RIPOR1: variants seen among roughly 807,000 people sequenced by gnomAD.
RIPOR1 encodes rho family-interacting cell polarization regulator 1.
RIPOR1 carries 58 observed loss-of-function variants against 116.5 expected under a neutral mutation model. The observed-to-expected ratio is 0.50, with a 90% CI of 0.40 to 0.62. The LOEUF is 0.62. RIPOR1 is among the 20% of genes least tolerant of loss of function. The pLI, the probability that RIPOR1 is intolerant of heterozygous loss-of-function variation, is 0.00. For synonymous variants in RIPOR1, 605 were observed against 650.0 expected (o/e 0.93, Z 1.05); for missense variants, 1,372 against 1,586.2 (o/e 0.86, Z 2.29).
At position 67,542,665 on chromosome 16, in the gene RIPOR1, A is replaced by C; in HGVS notation, c.1879A>C (p.Thr627Pro). Residue 627 changes from threonine (T) to proline (P), a missense_variant, in exon 13 of 22, where the codon ACA (threonine) becomes CCA (proline). Thr to Pro is a conservative substitution (Grantham distance 38). Around this residue, in one of 3 missense-constraint regions of RIPOR1, gnomAD observed 1,005 missense variants for 1,144.7 expected, o/e 0.88. Transcript: ENST00000042381. This position sits in a 1 kb window ranked among gnomAD's most constrained non-coding sequence, Gnocchi z 4.6. Reference sequence around the variant, plus strand: ...TTCCACAAGCCCCACCCATACCCCCACAAGTCCCACCCACAAAACCAGTAT... The same window carrying C: ...TTCCACAAGCCCCACCCATACCCCCCCAAGTCCCACCCACAAAACCAGTAT... Reference protein sequence around the residue: ...HTSTSPTHTPTSPTHKTSMSP... With the variant: ...HTSTSPTHTPPSPTHKTSMSP... 6.2e-7 allele frequency: 1 copy of C among 1,608,950 alleles called. No individual in the cohort carries two copies. The highest frequency in any genetic ancestry group is 8.5e-7 in the Non-Finnish European group (1 of 1,178,544).
chr16:67,541,914 C>T lies in RIPOR1; in HGVS notation c.1128C>T (p.Ser376=), dbSNP rs763642771. Residue 376 remains serine (S), a synonymous_variant, in exon 13 of 22, where the codon TCC becomes TCT. Transcript: ENST00000042381. The surrounding 1 kb of genome is among the most constrained non-coding windows in gnomAD (Gnocchi z 4.6). ...QEELENGTAW[S]LSSESSDDSS... ...AGCTGGAGAATGGGACAGCATGGTC[C>T]CTGTCATCTGAATCTTCAGACGACT... The T allele has an allele frequency of 1.2e-6, 2 of 1,612,116 alleles. No individual in the cohort carries two copies. The highest frequency in any genetic ancestry group is 8.5e-7 in the Non-Finnish European group (1 of 1,179,146).
intron 1 of RIPOR1, among the ~76,000 whole-genome samples, chr16:67,519,112 C>T (rs1342960789): frequency 2.0e-5 from 3 of 152,136 alleles, no homozygotes; most frequent in Non-Finnish European, 2.9e-5. Context: ...CGATGAAACC[C>T]GGCCTCTACT....
intron 1 of RIPOR1, among the ~76,000 whole-genome samples, chr16:67,532,546 C>T (rs2142446511): frequency 6.6e-6 from 1 of 152,246 alleles, no homozygotes; most frequent in Non-Finnish European, 1.5e-5. Flanking sequence ...CAAACACTTC[C>T]TATAGAGGGA....
chr16:67,522,004 T>C lies in RIPOR1; in HGVS notation c.-24+3391T>C, dbSNP rs139778296. Among the ~76,000 whole-genome samples the C allele has an allele frequency of 4.0e-5, 6 of 151,844 alleles. No homozygotes were observed. The East Asian group carries it at 1.2e-3, about 29-fold the overall frequency. ...CCTGCTATGCAGGCTGTTCTGGAAC[T>C]TTCTCCACTCCACCATGTTTTTTGT... On this transcript the variant is annotated intron_variant, in intron 1 of 1. Coordinates refer to the RIPOR1 transcript ENST00000562116.
Position 67,545,787 on chromosome 16 carries a change from GCAA to G in RIPOR1, c.3321_3323del (p.Asn1107del), listed in dbSNP as rs767158481. ...GCCCTCAGCTCCCTGCTCGTCCATG[GCAA>G]CAACAAGGTCATGGCTGCTGTCAGC... On this transcript the variant is annotated inframe_deletion, in exon 19 of 22. Coordinates refer to ENST00000042381, the MANE Select transcript of RIPOR1 (RefSeq NM_024519.4). This position sits in a 1 kb window ranked among gnomAD's most constrained non-coding sequence, Gnocchi z 4.8. The G allele has an allele frequency of 4.3e-6, 7 of 1,612,934 alleles. No individual in the cohort carries two copies. The highest frequency in any genetic ancestry group is 1.7e-5 in the Admixed American group (1 of 59,866).
At chr16:67,538,321 G>A (rs1321639019) in intron 1 of RIPOR1, 103 bp from the exon 2 acceptor site, 18 of 1,429,906 alleles carry the variant, frequency 1.3e-5, no homozygotes, top group Middle Eastern at 1.9e-4. Flanking sequence ...TGGGGCAGCT[G>A]TGCCTAGCGA....
Position 67,541,498 on chromosome 16 carries a change from G to C in RIPOR1, c.870G>C (p.Leu290=). 3 of 1,614,134 alleles carry C rather than the reference G, an allele frequency of 1.9e-6. No homozygotes were observed. The highest frequency in any genetic ancestry group is 2.5e-6 in the Non-Finnish European group (3 of 1,180,004). ...VGSVSCETKD[L]FAALPQVVAV... Reference sequence around the variant, plus strand: ...GTGTCTCCTGTGAGACCAAGGACCTGTTTGCCGCCCTGCCCCAGGTTGTGG... The same window carrying C: ...GTGTCTCCTGTGAGACCAAGGACCTCTTTGCCGCCCTGCCCCAGGTTGTGG... The change falls in exon 11 of 22, where the codon CTG becomes CTC. Residue 290 remains leucine (L), a synonymous_variant. Transcript: ENST00000042381. The surrounding 1 kb of genome is among the most constrained non-coding windows in gnomAD (Gnocchi z 4.6).
In RIPOR1 at chr16:67,544,854, T is replaced by C; in HGVS notation, c.2869+24T>C. 1 of 1,590,460 alleles carries C rather than the reference T, an allele frequency of 6.3e-7. No homozygotes were observed. ...AGGTAAAGGCCCTGGGGGTTCGGGC[T>C]CTGCCATCTGCCTTGAAGCTCCTAC... is the stretch of plus-strand genomic sequence containing the variant. On this transcript the variant is annotated intron_variant, in intron 16 of 21. Coordinates refer to ENST00000042381, the MANE Select transcript of RIPOR1 (RefSeq NM_024519.4). The surrounding 1 kb of genome is among the most constrained non-coding windows in gnomAD (Gnocchi z 5.1).
Position 67,540,913 on chromosome 16 carries a change from CTCATGATCT to C in RIPOR1, c.801+212_801+220del, listed in dbSNP as rs2050961991. Among the ~76,000 whole-genome samples, 1 of 152,136 alleles carries C rather than the reference CTCATGATCT, an allele frequency of 6.6e-6. No homozygotes were observed. The highest frequency in any genetic ancestry group is 2.4e-5 in the African/African-American group (1 of 41,428). The stretch of plus-strand genomic sequence containing the variant: ...CATGGCTTCCTGACCCTGTGACCTC[CTCATGATCT>C]TCTGACCCTGTGAATATTTGACCTC... On this transcript the variant is annotated intron_variant, in intron 10 of 21. Transcript: ENST00000042381. The surrounding 1 kb of genome is among the most constrained non-coding windows in gnomAD (Gnocchi z 4.7).
intron 1 of RIPOR1, among the ~76,000 whole-genome samples, chr16:67,534,191 C>T (rs373117276): frequency 4.0e-5 from 6 of 151,146 alleles, no homozygotes; most frequent in African/African-American, 1.5e-4. Flanking sequence ...TGTAGTGCAG[C>T]GCGACCTCAG....
rs377278685 is a variant in RIPOR1, at chr16:67,546,234, G to A, written c.3562+3G>A. 1.9e-6 allele frequency: 3 copies of A among 1,614,036 alleles called. No homozygotes were observed. Among genetic ancestry groups the A allele is most frequent in the Admixed American group, 1.7e-5 (1 of 60,032 alleles). On this transcript the variant is annotated splice_donor_region_variant and intron_variant, in intron 21 of 21. Transcript: ENST00000042381. Reference sequence around the variant, plus strand: ...CCGGCAAAGCCTACAGCAGTGTGGTGAGGCTGGGGGATGGAAGAGATGGGT... The same window carrying A: ...CCGGCAAAGCCTACAGCAGTGTGGTAAGGCTGGGGGATGGAAGAGATGGGT...
chr16:67,538,014 A>G lies in RIPOR1; in HGVS notation c.-23-410A>G, dbSNP rs565487307. 3.4e-3 allele frequency: 647 copies of G among 192,822 alleles called. 3 individuals are homozygous for G. The highest frequency in any genetic ancestry group is 0.015 in the African/African-American group (629 of 41,906). The allele number at this position is 192,822 out of a possible 1,614,324, so 11.9% of individuals were successfully genotyped here. A position where few individuals can be genotyped will look rare whatever the true frequency, so the allele number is the denominator to read the frequency against. ...TGGGCTCCCGGGGTGGGGGGCCCCG[A>G]GCTCCGGGTGCCCTGGGGGGGGAAA... On this transcript the variant is annotated intron_variant, in intron 1 of 21. Coordinates refer to ENST00000042381, the MANE Select transcript of RIPOR1 (RefSeq NM_024519.4).
chr16:67,520,782 A>C (rs569413817), intron 1 of RIPOR1, among the ~76,000 whole-genome samples: 1 of 151,816 alleles, frequency 6.6e-6, no homozygotes, highest in South Asian at 2.1e-4. Flanking sequence ...CCTAGGCGAC[A>C]GAGTGAGACT....
At chr16:67,519,819 T>C (rs2050478273) in intron 1 of RIPOR1, among the ~76,000 whole-genome samples, 1 of 151,996 alleles carries the variant, frequency 6.6e-6, no homozygotes, top group Non-Finnish European at 1.5e-5. Flanking sequence ...CCCAGCACTG[T>C]GGGAGGCCGA....
In RIPOR1 at chr16:67,538,681, G is replaced by A; in HGVS notation, c.114G>A (p.Pro38=). The part of the protein sequence containing the change: ...GSHERGPRSF[P]VFSPPGPPRK... ...ACAGCCTCTCCTTCAGGAGTTTCCCGGTCTTCAGCCCGCCGGGGCCCCCAC... is the reference window on the plus strand; with the variant it reads ...ACAGCCTCTCCTTCAGGAGTTTCCCAGTCTTCAGCCCGCCGGGGCCCCCAC... The change falls in exon 3 of 22, where the codon CCG becomes CCA. Residue 38 remains proline (P), a synonymous_variant. Transcript: ENST00000042381. 3 of 1,612,834 alleles carry A rather than the reference G, an allele frequency of 1.9e-6. No individual in the cohort carries two copies. The highest frequency in any genetic ancestry group is 2.2e-5 in the South Asian group (2 of 91,040).
Position 67,529,699 on chromosome 16 carries a change from G to A in RIPOR1, c.-24+785G>A. The A allele has an allele frequency of 2.0e-6, 3 of 1,485,526 alleles. No homozygotes were observed. The highest frequency in any genetic ancestry group is 2.7e-6 in the Non-Finnish European group (3 of 1,111,408). The allele number at this position is 1,485,526 out of a possible 1,614,324, so 92.0% of individuals were successfully genotyped here. A position where few individuals can be genotyped will look rare whatever the true frequency, so the allele number is the denominator to read the frequency against. On this transcript the variant is annotated intron_variant, in intron 1 of 21. Transcript: ENST00000042381. The surrounding 1 kb of genome is among the most constrained non-coding windows in gnomAD (Gnocchi z 4.1). ...CCAGCCAGTTCTAACGTGTGTCCAG[G>A]CTGGCCGCCCCAGCACCTACTGTGC...
rs759599252 is a variant in RIPOR1, at chr16:67,543,213, T to C, written c.2427T>C (p.Pro809=). The change falls in exon 13 of 22, where the codon CCT becomes CCC. Residue 809 remains proline, a synonymous_variant. Coordinates refer to ENST00000042381, the MANE Select transcript of RIPOR1 (RefSeq NM_024519.4). The surrounding 1 kb of genome is among the most constrained non-coding windows in gnomAD (Gnocchi z 4.7). The stretch of plus-strand genomic sequence containing the variant: ...TGGATGACTACCGTGGCCAGTTTCC[T>C]GAGCTGCAGGGCCTGGAGCAGGAGG... The part of the protein sequence containing the change: ...AALDDYRGQF[P]ELQGLEQEVT... 26 of 1,566,544 alleles carry C rather than the reference T, an allele frequency of 1.7e-5. No homozygotes were observed. Among genetic ancestry groups the C allele is most frequent in the Non-Finnish European group, 2.2e-5 (25 of 1,154,394 alleles).
chr16:67,542,276 C>T lies in RIPOR1; in HGVS notation c.1490C>T (p.Ala497Val), dbSNP rs754263729. Residue 497 changes from alanine (A) to valine (V), a missense_variant, in exon 13 of 22, where the codon GCC becomes GTC. Transcript: ENST00000042381. The surrounding 1 kb of genome is among the most constrained non-coding windows in gnomAD (Gnocchi z 4.6). ...GAGCACCCCAGTCCTGTTCCTCCTG[C>T]CCTGGACCCTGGCCACTCTGCCACA... ...HGEHPSPVPP[A>V]LDPGHSATSS... 3 of 1,613,966 alleles carry T rather than the reference C, an allele frequency of 1.9e-6. No individual in the cohort carries two copies. Among genetic ancestry groups the T allele is most frequent in the Non-Finnish European group, 2.5e-6 (3 of 1,179,952 alleles).
At chr16:67,533,414 C>T (rs574433793) in intron 1 of RIPOR1, among the ~76,000 whole-genome samples, 2 of 152,028 alleles carry the variant, frequency 1.3e-5, no homozygotes, top group African/African-American at 4.8e-5. Context: ...GAGGATAAGG[C>T]CCATTCGGGG....
Sources: gnomAD v4.1 joint callset for allele counts (sites outside exome capture counted in the v4.1 genomes callset) on GRCh38, gnomAD v4.1.1 for gene constraint, gnomAD v4.1.1 regional missense constraint, Gnocchi (gnomAD v3.1) non-coding constraint, MANE v1.5 for transcripts, NCBI Gene and HGNC (gene_info 2026-07-23, HGNC 2026-07-21) for gene names.